The following ADARB2 variants were observed in gnomAD, a reference collection of about 807,000 sequenced individuals.
ADARB2 encodes the protein inactive double-stranded RNA-specific editase B2.
ADARB2 carries 25 observed loss-of-function variants against 62.2 expected under a neutral mutation model. That is an observed-to-expected ratio of 0.40 (90% CI 0.29 to 0.56). The LOEUF (loss-of-function observed/expected upper bound fraction) is 0.56, where lower values mean the gene tolerates loss of function less well. Among genes scored for constraint, ADARB2 ranks in the 20% least tolerant of loss-of-function variants. The pLI, the probability that ADARB2 is intolerant of heterozygous loss-of-function variation, is 0.43. For missense variants in ADARB2, 1,071 were observed against 1,077.4 expected (o/e 0.99, Z 0.08); for synonymous variants, 572 against 500.8 (o/e 1.14, Z -1.90).
chr10:1,268,967 C>T (rs191388574), intron 4 of ADARB2, among the ~76,000 whole-genome samples: 36 of 152,216 alleles, frequency 2.4e-4, no homozygotes, highest in African/African-American at 8.7e-4. Context: ...ATTTGTTTCC[C>T]AGAAAGATGG....
At chr10:1,720,023 G>A (rs1400848345) in intron 1 of ADARB2, among the ~76,000 whole-genome samples, 4 of 152,206 alleles carry the variant, frequency 2.6e-5, no homozygotes, top group East Asian at 1.9e-4. Context: ...ATTCCTGGGG[G>A]TATACCCACC....
intron 1 of ADARB2, among the ~76,000 whole-genome samples, chr10:1,674,491 A>G (rs967264663): frequency 1.3e-5 from 2 of 152,234 alleles, no homozygotes; most frequent in African/African-American, 4.8e-5. Context: ...GTAAAAAGTC[A>G]GAATAAAAAG....
At chr10:1,719,737 G>A (rs1361117478) in intron 1 of ADARB2, among the ~76,000 whole-genome samples, 1 of 152,164 alleles carries the variant, frequency 6.6e-6, no homozygotes, top group Admixed American at 6.5e-5. Context: ...CAAAGGACAT[G>A]ATCAAACACG....
At position 1,262,287 on chromosome 10, in the gene ADARB2, T is replaced by TATAATAATAATAATAATA. The variant is rs55721350; in HGVS notation, c.1192+8650_1192+8667dup. 1.1e-3 allele frequency among the ~76,000 whole-genome samples: 155 copies of TATAATAATAATAATAATA among 135,764 alleles called. 1 individual carries two copies. The highest frequency in any genetic ancestry group is 3.8e-3 in the East Asian group (18 of 4,792). The allele number at this position is 135,764 out of a possible 152,430, so 89.1% of individuals were successfully genotyped here. A position where few individuals can be genotyped will look rare whatever the true frequency, so the allele number is the denominator to read the frequency against. ...TGCACATGTACCCTAAAACTTAAAG[T>TATAATAATAATAATAATA]ATAATAATAATAATAATAATAATAA... On this transcript the variant is annotated intron_variant, in intron 4 of 9. Coordinates refer to ENST00000381312, the MANE Select transcript of ADARB2 (RefSeq NM_018702.4).
rs547915262 is a variant in ADARB2, at chr10:1,413,634, G to T, written c.101-34474C>A. On this transcript the variant is annotated intron_variant, in intron 1 of 9. Coordinates refer to ENST00000381312, the MANE Select transcript of ADARB2 (RefSeq NM_018702.4). ...AGGAAGCGCAGCCGTGAACCCTAGG[G>T]CAGGGAAGCCAAGATTCTCACTCAG... is the stretch of plus-strand genomic sequence containing the variant. 2.4e-4 allele frequency among the ~76,000 whole-genome samples: 36 copies of T among 152,242 alleles called. No homozygotes were observed. The South Asian group carries it at 7.3e-3, about 31-fold the overall frequency.
In ADARB2 at chr10:1,516,677, A is replaced by G. The variant is rs1473495881; in HGVS notation, c.101-137517T>C. ...AAAGAAAACATTTTCCTCGAGCTGCATGCGAATATCGCCCAAAGTGCAGCT... is the reference window on the plus strand; with the variant it reads ...AAAGAAAACATTTTCCTCGAGCTGCGTGCGAATATCGCCCAAAGTGCAGCT... On this transcript the variant is annotated intron_variant, in intron 1 of 9. Coordinates refer to ENST00000381312, the MANE Select transcript of ADARB2 (RefSeq NM_018702.4). Among the ~76,000 whole-genome samples, 11 of 152,356 alleles carry G rather than the reference A, an allele frequency of 7.2e-5. 1 individual carries two copies. The South Asian group carries it at 1.9e-3, about 26-fold the overall frequency.
At chr10:1,566,549 C>A (rs1832864020) in intron 1 of ADARB2, among the ~76,000 whole-genome samples, 1 of 151,936 alleles carries the variant, frequency 6.6e-6, no homozygotes, top group African/African-American at 2.4e-5. Context: ...AAAAGAAGTG[C>A]CTTCATTTTT....
intron 1 of ADARB2, among the ~76,000 whole-genome samples, chr10:1,685,383 T>A (rs978151852): frequency 2.0e-5 from 3 of 152,210 alleles, no homozygotes; most frequent in African/African-American, 4.8e-5. Context: ...ACATGCGATT[T>A]CATGGGTACA....
chr10:1,368,560 T>C (rs2805581), intron 2 of ADARB2, among the ~76,000 whole-genome samples: 141,958 of 152,166 alleles, frequency 0.93, 67,034 homozygotes, highest in Non-Finnish European at 1. Flanking sequence ...TGGCTGGGGT[T>C]GCGTCTCCCT....
chr10:1,601,271 A>G (rs1833409504), intron 1 of ADARB2, among the ~76,000 whole-genome samples: 2 of 152,164 alleles, frequency 1.3e-5, no homozygotes, highest in African/African-American at 4.8e-5. Context: ...CCAGGCGTCA[A>G]TGACCAAGTG....
chr10:1,602,862 CAT>C lies in ADARB2; in HGVS notation c.100+134187_100+134188del, dbSNP rs992725338. On this transcript the variant is annotated intron_variant, in intron 1 of 9. Transcript: ENST00000381312. ...ACATACACACACCTCTACATACACA[CAT>C]ACACATATCAACACACACACACTTG... Among the ~76,000 whole-genome samples the C allele has an allele frequency of 2.2e-4, 33 of 152,114 alleles. 1 individual carries two copies. Among genetic ancestry groups the C allele is most frequent in the African/African-American group, 6.5e-4 (27 of 41,490 alleles).
At chr10:1,200,294 C>A in intron 7 of ADARB2, 147 bp from the exon 8 acceptor site, 1 of 1,020,408 alleles carries the variant, frequency 9.8e-7, no homozygotes, top group Non-Finnish European at 1.5e-6. Flanking sequence ...GCCCCAGACC[C>A]AACCCAGCCA....
intron 3 of ADARB2, 113 bp downstream of exon 3, chr10:1,362,915 C>T: frequency 2.0e-6 from 2 of 1,022,932 alleles, no homozygotes; most frequent in Non-Finnish European, 1.3e-6. Flanking sequence ...TCCCGCTCCA[C>T]GCGGCCTCTC....
At chr10:1,390,019 C>A (rs76033863) in intron 1 of ADARB2, among the ~76,000 whole-genome samples, 3 of 152,022 alleles carry the variant, frequency 2.0e-5, no homozygotes, top group Admixed American at 2.0e-4. Context: ...TCAAACTATT[C>A]GTCACAGCTT....
At chr10:1,325,729 T>A (rs976090711) in intron 3 of ADARB2, among the ~76,000 whole-genome samples, 11 of 152,138 alleles carry the variant, frequency 7.2e-5, no homozygotes, top group African/African-American at 1.2e-4. Context: ...TACTAGAGAC[T>A]CAAGCTTCCT....
At chr10:1,233,384 C>G (rs570050564) in intron 6 of ADARB2, among the ~76,000 whole-genome samples, 1 of 152,240 alleles carries the variant, frequency 6.6e-6, no homozygotes, top group Non-Finnish European at 1.5e-5. Context: ...GTAACTCTCA[C>G]TGGCCTTCCC....
intron 4 of ADARB2, among the ~76,000 whole-genome samples, chr10:1,253,763 G>C (rs1360650214): frequency 6.6e-6 from 1 of 152,238 alleles, no homozygotes; most frequent in African/African-American, 2.4e-5. Context: ...GAAGAGACCT[G>C]TGTCCTGGAC....
intron 3 of ADARB2, among the ~76,000 whole-genome samples, chr10:1,314,210 C>T (rs1831717100): frequency 1.3e-5 from 2 of 152,228 alleles, no homozygotes; most frequent in Admixed American, 1.3e-4. Flanking sequence ...AAGAGGAGAG[C>T]TGCCAACCAT....
At chr10:1,286,567 G>A (rs576855719) in intron 3 of ADARB2, among the ~76,000 whole-genome samples, 5 of 152,338 alleles carry the variant, frequency 3.3e-5, no homozygotes, top group African/African-American at 9.6e-5. Context: ...TGTAGCCATT[G>A]TATGGTGGGA....
Sources: gnomAD v4.1 joint callset for allele counts (sites outside exome capture counted in the v4.1 genomes callset) on GRCh38, gnomAD v4.1.1 for gene constraint, MANE v1.5 for transcripts, NCBI Gene and HGNC (gene_info 2026-07-23, HGNC 2026-07-21) for gene names.